LINGO1: variants seen among roughly 807,000 people sequenced by gnomAD.
LINGO1 encodes leucine-rich repeat and immunoglobulin-like domain-containing nogo receptor-interacting protein 1.
Under a neutral mutation model 37.3 loss-of-function variants are expected in LINGO1, and 11 were observed. The ratio of observed to expected loss-of-function variants is 0.29; its 90% CI spans 0.19 to 0.49. LINGO1 has a LOEUF of 0.49. Ranked by LOEUF, LINGO1 falls within the 20% of genes least tolerant of loss-of-function variation. The pLI is 0.99. For missense variants in LINGO1, 585 were observed against 878.2 expected (o/e 0.67, Z 4.22); for synonymous variants, 387 against 403.0 (o/e 0.96, Z 0.48).
intron 3 of LINGO1, among the ~76,000 whole-genome samples, chr15:77,654,024 C>A (rs2093104744): frequency 1.3e-5 from 2 of 152,166 alleles, no homozygotes; most frequent in African/African-American, 4.8e-5. Context: ...TAGGTATGGC[C>A]ATGTGACTTG....
At chr15:77,737,013 C>T (rs1019443232) in intron 1 of LINGO1, among the ~76,000 whole-genome samples, 1 of 152,110 alleles carries the variant, frequency 6.6e-6, no homozygotes, top group South Asian at 2.1e-4. Context: ...GTAATCAGGC[C>T]CCCAAGGATG....
rs1490944179 is a variant in LINGO1 at position 77,614,116 on chromosome 15, A to G, written c.1791T>C (p.Tyr597=). 1 of 1,613,952 alleles carries G rather than the reference A, an allele frequency of 6.2e-7. No homozygotes were observed. The highest frequency in any genetic ancestry group is 8.5e-7 in the Non-Finnish European group (1 of 1,179,860). The change falls in exon 2 of 2, where the codon TAT becomes TAC. Residue 597 remains tyrosine, a synonymous_variant. Transcript: ENST00000355300. ...GNTKHNIEIE[Y]VPRKSDAGIS... ...TGCCTGCGTCCGACTTTCGGGGCAC[A>G]TACTCGATCTCGATGTTGTGCTTTG...
intron 1 of LINGO1, chr15:77,695,882 C>CT (rs35851585): frequency 0.17 from 22,983 of 138,296 alleles, 2,024 homozygotes; most frequent in Admixed American, 0.21. Context: ...AGAAAAATAT[C>CT]TTTTTTTTTT....
chr15:77,681,776 G>A (rs540063009), intron 2 of LINGO1, among the ~76,000 whole-genome samples: 1 of 152,090 alleles, frequency 6.6e-6, no homozygotes, highest in Non-Finnish European at 1.5e-5. Flanking sequence ...GTGGAAGGGA[G>A]GGGAGTGGAG....
intron 1 of LINGO1, among the ~76,000 whole-genome samples, chr15:77,750,992 G>A (rs2141366353): frequency 6.6e-6 from 1 of 152,288 alleles, no homozygotes; most frequent in African/African-American, 2.4e-5. Flanking sequence ...CGAGGAGGAG[G>A]TCAGGAAGAA....
intron 3 of LINGO1, among the ~76,000 whole-genome samples, chr15:77,644,921 C>T (rs1326370659): frequency 6.6e-6 from 1 of 152,004 alleles, no homozygotes; most frequent in African/African-American, 2.4e-5. Context: ...GCCCGAGAGG[C>T]GGAGAGATCT....
At chr15:77,685,424 C>G (rs1003747454) in intron 2 of LINGO1, among the ~76,000 whole-genome samples, 2 of 152,130 alleles carry the variant, frequency 1.3e-5, no homozygotes, top group Non-Finnish European at 2.9e-5. Flanking sequence ...CACCAGGAAC[C>G]CAGGGAGGCA....
Position 77,614,703 on chromosome 15 carries a change from C to A in LINGO1, c.1204G>T (p.Val402Phe). The A allele has an allele frequency of 6.2e-7, 1 of 1,609,998 alleles. No individual in the cohort carries two copies. The highest frequency in any genetic ancestry group is 8.5e-7 in the Non-Finnish European group (1 of 1,178,212). ...QQPTCATPEF[V>F]QGKEFKDFPD... is the part of the protein sequence containing the mutation. ...AAGTCCTTGAACTCCTTGCCCTGGA[C>A]AAACTCGGGCGTGGCGCACGTGGGC... The change falls in exon 2 of 2, where the codon GTC (valine) becomes TTC (phenylalanine). Residue 402 changes from valine to phenylalanine, a missense_variant. This residue lies in a region of LINGO1 where 484 missense variants were observed against 735.0 expected (regional missense o/e 0.66). Coordinates refer to ENST00000355300, the MANE Select transcript of LINGO1 (RefSeq NM_032808.7).
At chr15:77,813,136 A>G (rs906458309) in intron 1 of LINGO1, among the ~76,000 whole-genome samples, 5 of 152,256 alleles carry the variant, frequency 3.3e-5, no homozygotes, top group African/African-American at 1.2e-4. Context: ...GTGGGTACAC[A>G]GTAAATAATA....
chr15:77,807,963 C>A (rs139244941), intron 1 of LINGO1, among the ~76,000 whole-genome samples: 27 of 152,266 alleles, frequency 1.8e-4, no homozygotes, highest in Non-Finnish European at 3.7e-4. Context: ...AGGACCTCCT[C>A]TGGTCCCCAC....
Position 77,664,990 on chromosome 15 carries a change from T to TTGTACACACGTGTGCCTGAGC in LINGO1, c.-13+12078_-13+12098dup, listed in dbSNP as rs529479686. Among the ~76,000 whole-genome samples, 56 of 152,308 alleles carry TTGTACACACGTGTGCCTGAGC rather than the reference T, an allele frequency of 3.7e-4. 1 individual carries two copies. In the South Asian group the frequency reaches 0.011, roughly 30 times the overall value. ...TCTGCATGTGCAAACAGAGGCATGCTTGTACACACGTGTGCCTGAGCTCAT... is the reference window on the plus strand; with the variant it reads ...TCTGCATGTGCAAACAGAGGCATGCTTGTACACACGTGTGCCTGAGCTGTACACACGTGTGCCTGAGCTCAT... On this transcript the variant is annotated intron_variant, in intron 3 of 3. Transcript: ENST00000559893.
At chr15:77,628,033 C>T (rs1411927905) in intron 1 of LINGO1, among the ~76,000 whole-genome samples, 1 of 152,206 alleles carries the variant, frequency 6.6e-6, no homozygotes, top group Non-Finnish European at 1.5e-5. Context: ...TTCATTCAAT[C>T]AGTAAAAATC....
intron 1 of LINGO1, among the ~76,000 whole-genome samples, chr15:77,777,465 GCACACACACACACA>G (rs112112009): frequency 5.0e-5 from 7 of 140,004 alleles, no homozygotes; most frequent in African/African-American, 1.4e-4. Flanking sequence ...ATACACACAC[GCACACACACACACA>G]CACACACACA....
intron 1 of LINGO1, among the ~76,000 whole-genome samples, chr15:77,770,859 T>G (rs2076578374): frequency 6.6e-6 from 1 of 152,190 alleles, no homozygotes; most frequent in South Asian, 2.1e-4. Context: ...AGCACCCAGA[T>G]GCCCACCGCC....
intron 2 of LINGO1, among the ~76,000 whole-genome samples, chr15:77,794,456 GTGTATATACATACGTA>G (rs2076850704): frequency 3.2e-4 from 21 of 65,392 alleles, no homozygotes; most frequent in African/African-American, 1.1e-3. Context: ...ACGTATATAT[GTGTATATACATACGTA>G]TATGTATATA....
intron 1 of LINGO1, chr15:77,784,608 C>A (rs1314142480): frequency 2.0e-5 from 3 of 152,200 alleles, no homozygotes; most frequent in African/African-American, 4.8e-5. Flanking sequence ...TTAGGACATG[C>A]CTGAGTGTGC....
chr15:77,627,726 G>A (rs1440857496), intron 1 of LINGO1, among the ~76,000 whole-genome samples: 2 of 152,150 alleles, frequency 1.3e-5, no homozygotes, highest in Non-Finnish European at 2.9e-5. Context: ...AAGCCTCTGG[G>A]GTTCCTGGAA....
upstream of LINGO1, among the ~76,000 whole-genome samples, chr15:77,791,521 G>A (rs2076818719): frequency 1.3e-5 from 2 of 151,980 alleles, no homozygotes; most frequent in Non-Finnish European, 2.9e-5. Flanking sequence ...AGAAGGGCGG[G>A]GAAGAAAGTG....
Position 77,614,166 on chromosome 15 carries a change from G to C in LINGO1, c.1741C>G (p.Leu581Val). The change falls in exon 2 of 2, where the codon CTC becomes GTC. Residue 581 changes from leucine to valine, a missense_variant. Leu to Val is a conservative substitution (Grantham distance 32, BLOSUM62 1). This residue lies in a region of LINGO1 where 34 missense variants were observed against 62.0 expected (regional missense o/e 0.55). Transcript: ENST00000355300. ...GTGTTGCCCTTGCCCCGGCTCCAGA[G>C]AAACAGCAGCACCAGGCAGAAGAGG... Reference protein sequence around the residue: ...VVLFCLVLLFLWSRGKGNTKH... With the variant: ...VVLFCLVLLFVWSRGKGNTKH... 1 of 1,614,034 alleles carries C rather than the reference G, an allele frequency of 6.2e-7. No individual in the cohort carries two copies. Among genetic ancestry groups the C allele is most frequent in the Non-Finnish European group, 8.5e-7 (1 of 1,179,896 alleles).
Sources: gnomAD v4.1 joint callset for allele counts (sites outside exome capture counted in the v4.1 genomes callset) on GRCh38, gnomAD v4.1.1 for gene constraint, gnomAD v4.1.1 regional missense constraint, MANE v1.5 for transcripts, NCBI Gene and HGNC (gene_info 2026-07-23, HGNC 2026-07-21) for gene names.